The following NCKAP1L variants were observed in gnomAD, a reference collection of about 807,000 sequenced individuals.
NCKAP1L encodes the protein nck-associated protein 1-like.
A neutral mutation model predicts 139.2 loss-of-function variants in NCKAP1L; 53 were observed. That is an observed-to-expected ratio of 0.38 (90% CI 0.31 to 0.48). The LOEUF is 0.48. Ranked by LOEUF, NCKAP1L falls within the 20% of genes least tolerant of loss-of-function variation. NCKAP1L has a pLI of 0.98. For synonymous variants in NCKAP1L, 468 were observed against 499.7 expected (o/e 0.94, Z 0.85); for missense variants, 1,151 against 1,381.9 (o/e 0.83, Z 2.65).
chr12:54,518,569 T>A (rs1235434308), intron 13 of NCKAP1L, 82 bp from the exon 14 acceptor site: 1 of 1,046,026 alleles, frequency 9.6e-7, no homozygotes. Flanking sequence ...TCTACCTTCA[T>A]ACGCTGACTG....
rs988173603 is a variant in NCKAP1L, at chr12:54,541,558, A to G, written c.3274-1017A>G. Among the ~76,000 whole-genome samples the G allele has an allele frequency of 3.3e-5, 5 of 152,258 alleles. No homozygotes were observed. In the East Asian group the frequency reaches 7.7e-4, roughly 24 times the overall value. On this transcript the variant is annotated intron_variant, in intron 30 of 30. Transcript: ENST00000293373. ...ATCAGGGCTGCAGTTTTACCAGCAG[A>G]TTTCCCTTCCTTCAGCCTGCAGTTT... is the stretch of plus-strand genomic sequence containing the variant.
chr12:54,541,268 A>G (rs913906718), intron 30 of NCKAP1L, among the ~76,000 whole-genome samples: 6 of 152,230 alleles, frequency 3.9e-5, no homozygotes, highest in African/African-American at 1.4e-4. Context: ...CCTAAAATAT[A>G]TGGCAGATTT....
Position 54,516,801 on chromosome 12 carries a change from A to G in NCKAP1L, c.999-95A>G, listed in dbSNP as rs1017040807. On this transcript the variant is annotated intron_variant, in intron 10 of 30. Transcript: ENST00000293373. The stretch of plus-strand genomic sequence containing the variant: ...GAGCATTGAACCTTCCTTCTGCCTG[A>G]TATCCCTTCCTAAATATAGCTTTCT... The G allele has an allele frequency of 2.7e-6, 3 of 1,094,932 alleles. No homozygotes were observed. The African/African-American group carries it at 4.7e-5, about 17-fold the overall frequency. 67.8% of individuals were successfully genotyped at this position (1,094,932 alleles called of 1,614,324 possible).
At chr12:54,533,330 G>T (rs1957088181) in intron 26 of NCKAP1L, among the ~76,000 whole-genome samples, 1 of 152,218 alleles carries the variant, frequency 6.6e-6, no homozygotes, top group Non-Finnish European at 1.5e-5. Context: ...CTGTCCATCA[G>T]AGATGCTGTT....
chr12:54,505,572 G>A (rs922173382), intron 3 of NCKAP1L, among the ~76,000 whole-genome samples: 3 of 151,234 alleles, frequency 2.0e-5, no homozygotes, highest in African/African-American at 4.9e-5. Context: ...TATACAGCAT[G>A]TATTCTTTTG....
chr12:54,500,101 ACT>A (rs1258363864), intron 2 of NCKAP1L, among the ~76,000 whole-genome samples: 5 of 141,874 alleles, frequency 3.5e-5, no homozygotes, highest in African/African-American at 1.3e-4. Context: ...GTATATTTCA[ACT>A]CTCTTTCTTT....
chr12:54,537,712 G>A (rs1957123178), intron 29 of NCKAP1L, among the ~76,000 whole-genome samples: 1 of 152,120 alleles, frequency 6.6e-6, no homozygotes, highest in African/African-American at 2.4e-5. Context: ...AGTAGATTAG[G>A]GTGGGGCTGA....
chr12:54,517,711 T>C (rs1956945175), intron 12 of NCKAP1L, 69 bp downstream of exon 12: 1 of 1,585,518 alleles, frequency 6.3e-7, no homozygotes, highest in Admixed American at 1.7e-5. Flanking sequence ...TCAGATGACC[T>C]TAGGAGGTCT....
In NCKAP1L at chr12:54,542,679, A is replaced by G. The variant is rs1311563503; in HGVS notation, c.3378A>G (p.Leu1126=). ...GGGAGGTGTCTCGGGCCTTCCACCT[A>G]AACTGAATGCCTGCCAGTACCCACT... ...AYREVSRAFH[L]N is the part of the protein sequence containing the mutation. The change falls in exon 31 of 31, where the codon CTA becomes CTG. Residue 1126 remains leucine (L), a synonymous_variant. Transcript: ENST00000293373. The G allele has an allele frequency of 1.2e-6, 2 of 1,612,364 alleles. No individual in the cohort carries two copies. The highest frequency in any genetic ancestry group is 1.7e-6 in the Non-Finnish European group (2 of 1,178,446).
chr12:54,539,289 T>C (rs1002940952), intron 30 of NCKAP1L, among the ~76,000 whole-genome samples: 1 of 152,230 alleles, frequency 6.6e-6, no homozygotes, highest in Non-Finnish European at 1.5e-5. Flanking sequence ...GGTAATTACC[T>C]GTCCAGTACA....
intron 22 of NCKAP1L, among the ~76,000 whole-genome samples, chr12:54,530,594 G>A (rs1174273942): frequency 6.6e-6 from 1 of 152,204 alleles, no homozygotes; most frequent in Non-Finnish European, 1.5e-5. Flanking sequence ...TCTTAGATGA[G>A]GAAATAGTTG....
chr12:54,540,340 G>A (rs753221915), intron 30 of NCKAP1L, among the ~76,000 whole-genome samples: 3 of 152,170 alleles, frequency 2.0e-5, no homozygotes, highest in Non-Finnish European at 4.4e-5. Context: ...GGCTGGTTAA[G>A]GATTATGAGA....
At position 54,537,130 on chromosome 12, in the gene NCKAP1L, A is replaced by G. The variant is rs2036067; in HGVS notation, c.3183+77A>G. On this transcript the variant is annotated intron_variant, in intron 29 of 30. Transcript: ENST00000293373. ...GTTTGACTTAAATCTGTAGACAATT[A>G]TCGTTGAACAGGCTTTTGAGTCTAA... 119,787 of 965,720 alleles carry G rather than the reference A, an allele frequency of 0.12. 9,810 individuals carry two copies. Among genetic ancestry groups the G allele is most frequent in the East Asian group, 0.34 (13,695 of 40,830 alleles). The allele number at this position is 965,720 out of a possible 1,614,324, so 59.8% of individuals were successfully genotyped here.
In NCKAP1L at chr12:54,511,865, G is replaced by A. The variant is rs1956892096; in HGVS notation, c.784+14G>A. ...GCTGGATTATCAGTAAGTTTAGTGG[G>A]ATTAGATGGGAGTGGATGAAGCAGT... On this transcript the variant is annotated intron_variant, in intron 8 of 30. Coordinates refer to ENST00000293373, the MANE Select transcript of NCKAP1L (RefSeq NM_005337.5). 1 of 1,614,036 alleles carries A rather than the reference G, an allele frequency of 6.2e-7. No individual in the cohort carries two copies. The highest frequency in any genetic ancestry group is 1.7e-5 in the Admixed American group (1 of 60,004).
chr12:54,519,374 T>A, intron 16 of NCKAP1L, 42 bp downstream of exon 16: 3 of 1,386,450 alleles, frequency 2.2e-6, no homozygotes, highest in Non-Finnish European at 2.8e-6. Context: ...GTTTTATTGT[T>A]TCCTTTTTTC....
chr12:54,505,101 T>A lies in NCKAP1L; in HGVS notation c.307-2752T>A, dbSNP rs541296850. 1.3e-4 allele frequency among the ~76,000 whole-genome samples: 20 copies of A among 152,352 alleles called. No individual in the cohort carries two copies. In the East Asian group the frequency reaches 3.9e-3, roughly 29 times the overall value. On this transcript the variant is annotated intron_variant, in intron 3 of 30. Transcript: ENST00000293373. ...TTCTAGTACCATTCCTTACTAGCTC[T>A]ATGATCTTAGGCCAGTTTCTTTATT...
At chr12:54,519,417 G>C in intron 16 of NCKAP1L, 85 bp downstream of exon 16, 128 of 736,064 alleles carry the variant, frequency 1.7e-4, no homozygotes, top group Middle Eastern at 3.3e-4. Flanking sequence ...TTACTTCAAA[G>C]AATTTTGTTT....
chr12:54,516,203 C>T (rs1328960402), intron 9 of NCKAP1L, 36 bp from the exon 10 acceptor site: 2 of 1,610,146 alleles, frequency 1.2e-6, no homozygotes, highest in African/African-American at 1.3e-5. Flanking sequence ...TAATGGGTAG[C>T]ATGGTCAACC....
At chr12:54,525,445 A>C (rs1957018710) in intron 20 of NCKAP1L, among the ~76,000 whole-genome samples, 1 of 152,192 alleles carries the variant, frequency 6.6e-6, no homozygotes, top group Non-Finnish European at 1.5e-5. Flanking sequence ...CAGGAAGATG[A>C]CAGTTTGATA....
Sources: allele counts gnomAD v4.1 joint callset (sites outside exome capture counted in the v4.1 genomes callset), GRCh38; gene constraint gnomAD v4.1.1; transcripts MANE v1.5; gene names NCBI Gene and HGNC (gene_info 2026-07-23, HGNC 2026-07-21).